Variants in FCHSD2 observed in about 807,000 individuals in gnomAD.
The protein encoded by FCHSD2 is F-BAR and double SH3 domains protein 2.
In FCHSD2, 38 loss-of-function variants were observed where a neutral mutation model predicts 108.1. That is an observed-to-expected ratio of 0.35 (90% CI 0.27 to 0.46). The LOEUF is 0.46. Ranked by LOEUF, FCHSD2 falls within the 20% of genes least tolerant of loss-of-function variation. The probability of loss-of-function intolerance (pLI) is 1.00; values close to 1 mark genes in which losing one functional copy is unlikely to be tolerated. For synonymous variants in FCHSD2, 279 were observed against 314.7 expected, an observed-to-expected ratio of 0.89 and a Z score of 1.20; for missense variants, 751 against 897.8, an observed-to-expected ratio of 0.84 and a Z score of 2.09.
intron 3 of FCHSD2, among the ~76,000 whole-genome samples, chr11:73,042,502 G>A (rs1272288115): frequency 6.6e-6 from 1 of 152,142 alleles, no homozygotes; most frequent in Non-Finnish European, 1.5e-5. Context: ...GACGATTCCA[G>A]CTTTGTTCCT....
chr11:73,080,455 G>A (rs935299950), intron 3 of FCHSD2, among the ~76,000 whole-genome samples: 4 of 151,846 alleles, frequency 2.6e-5, no homozygotes, highest in African/African-American at 9.7e-5. Flanking sequence ...GTGCATATAT[G>A]TATTTAACAA....
intron 2 of FCHSD2, among the ~76,000 whole-genome samples, chr11:73,089,530 C>T (rs1169401799): frequency 6.6e-6 from 1 of 152,118 alleles, no homozygotes; most frequent in Non-Finnish European, 1.5e-5. Flanking sequence ...TACAAACAAC[C>T]CACATGTCCA....
At chr11:73,061,725 C>T in intron 3 of FCHSD2, among the ~76,000 whole-genome samples, 1 of 152,198 alleles carries the variant, frequency 6.6e-6, no homozygotes, top group Admixed American at 6.5e-5. Flanking sequence ...GAGCCCACTG[C>T]AGCTCAGCAA....
intron 8 of FCHSD2, among the ~76,000 whole-genome samples, chr11:72,949,063 A>G (rs4944818): frequency 1 from 151,891 of 152,358 alleles, 75,713 homozygotes; most frequent in Middle Eastern, 1. Flanking sequence ...TAAGTTAATC[A>G]TTTTAAAGTA....
intron 3 of FCHSD2, among the ~76,000 whole-genome samples, chr11:73,039,162 A>G (rs1858570363): frequency 6.6e-6 from 1 of 152,200 alleles, no homozygotes; most frequent in South Asian, 2.1e-4. Context: ...GTCTAGTTCA[A>G]GACTGTCTCA....
intron 8 of FCHSD2, among the ~76,000 whole-genome samples, chr11:72,955,372 T>G (rs1856692996): frequency 1.3e-5 from 2 of 152,304 alleles, no homozygotes; most frequent in South Asian, 4.1e-4. Flanking sequence ...AGAAGGCATG[T>G]GAGGCTTCCA....
chr11:72,850,514 C>G (rs182083298), intron 13 of FCHSD2, among the ~76,000 whole-genome samples: 1 of 151,334 alleles, frequency 6.6e-6, no homozygotes, highest in East Asian at 1.9e-4. Flanking sequence ...CCACCACGCC[C>G]GGCTAATTTT....
intron 2 of FCHSD2, among the ~76,000 whole-genome samples, chr11:73,108,314 A>G (rs1175365037): frequency 6.6e-6 from 1 of 152,226 alleles, no homozygotes; most frequent in East Asian, 1.9e-4. Flanking sequence ...AATCCCTGGT[A>G]AGATAAAGAG....
intron 8 of FCHSD2, among the ~76,000 whole-genome samples, chr11:72,944,567 A>G (rs1355212479): frequency 6.6e-6 from 1 of 152,170 alleles, no homozygotes; most frequent in African/African-American, 2.4e-5. Context: ...AGGCAGGAGA[A>G]GGAAATAAAG....
chr11:72,918,295 G>A (rs1855915825), intron 9 of FCHSD2, among the ~76,000 whole-genome samples: 1 of 152,052 alleles, frequency 6.6e-6, no homozygotes, highest in African/African-American at 2.4e-5. Context: ...TGGGCTCTCT[G>A]AGAGTTTATA....
intron 8 of FCHSD2, among the ~76,000 whole-genome samples, chr11:72,945,359 A>AGG (rs1856499424): frequency 1.3e-5 from 2 of 152,364 alleles, no homozygotes; most frequent in South Asian, 2.1e-4. Context: ...TAGAAAGCTG[A>AGG]AACTGGATCC....
chr11:72,958,941 T>C (rs1414175612), intron 8 of FCHSD2, among the ~76,000 whole-genome samples: 1 of 151,910 alleles, frequency 6.6e-6, no homozygotes, highest in Non-Finnish European at 1.5e-5. Context: ...CTCTCAATTA[T>C]TTTCTTGCTT....
chr11:73,116,903 C>T (rs146639431), intron 2 of FCHSD2, among the ~76,000 whole-genome samples: 209 of 151,410 alleles, frequency 1.4e-3, no homozygotes, highest in African/African-American at 4.9e-3. Context: ...CTTTATTCTT[C>T]GGTAAGAGTA....
chr11:73,051,888 C>T (rs1025061382), intron 3 of FCHSD2, among the ~76,000 whole-genome samples: 2 of 150,628 alleles, frequency 1.3e-5, no homozygotes, highest in African/African-American at 4.9e-5. Context: ...CACACACACA[C>T]ACACACACAC....
chr11:73,096,987 A>AGTTTTTTTTTTTTTTTT (rs1860095700), intron 2 of FCHSD2, among the ~76,000 whole-genome samples: 2 of 27,020 alleles, frequency 7.4e-5, no homozygotes, highest in African/African-American at 2.0e-4. Flanking sequence ...TCATTGATGG[A>AGTTTTTTTTTTTTTTTT]TTTTTTTTTT....
chr11:72,860,239 C>T (rs1027141531), intron 13 of FCHSD2, among the ~76,000 whole-genome samples: 1 of 152,168 alleles, frequency 6.6e-6, no homozygotes, highest in African/African-American at 2.4e-5. Flanking sequence ...GTAAAAGGTT[C>T]GTTCCAGTCT....
Position 72,887,522 on chromosome 11 carries a change from G to T in FCHSD2, c.1094C>A (p.Ala365Glu). Residue 365 changes from alanine to glutamate, a missense_variant, in exon 12 of 20, where the codon GCA becomes GAA. By Grantham distance (107) the Ala-to-Glu change is moderately radical (BLOSUM62 -1). Coordinates refer to ENST00000409418, the MANE Select transcript of FCHSD2 (RefSeq NM_014824.3). ...HGAAVSEQSR[A>E]ELEQKIDEAR... is the part of the protein sequence containing the mutation. ...TTCATCTATTTTCTGTTCTAGCTCT[G>T]CTCGGCTTTGTTCTGATACAGCAGC... The T allele has an allele frequency of 2.5e-6, 4 of 1,603,668 alleles. No individual in the cohort carries two copies. In the South Asian group the frequency reaches 4.5e-5, roughly 18 times the overall value.
intron 2 of FCHSD2, among the ~76,000 whole-genome samples, chr11:73,092,512 G>A (rs1266227655): frequency 6.6e-6 from 1 of 152,088 alleles, no homozygotes; most frequent in African/African-American, 2.4e-5. Context: ...CTCCTTGAGA[G>A]CATTTAAGTA....
intron 5 of FCHSD2, among the ~76,000 whole-genome samples, chr11:72,999,209 T>G (rs1281182859): frequency 2.0e-5 from 3 of 152,132 alleles, no homozygotes; most frequent in Admixed American, 2.0e-4. Flanking sequence ...ATACCCAATA[T>G]GTACTGAATA....
Sources: gnomAD v4.1 joint callset for allele counts (sites outside exome capture counted in the v4.1 genomes callset) on GRCh38, gnomAD v4.1.1 for gene constraint, MANE v1.5 for transcripts, NCBI Gene and HGNC (gene_info 2026-07-23, HGNC 2026-07-21) for gene names.